NPC2: variants seen among roughly 807,000 people sequenced by gnomAD.
NPC2 encodes NPC intracellular cholesterol transporter 2, also known as Niemann-Pick disease type C2 protein.
In NPC2, 14 loss-of-function variants were observed where a neutral mutation model predicts 17.0. The observed-to-expected ratio is 0.82, with a 90% CI of 0.54 to 1.29. The LOEUF is 1.29. NPC2 is among the 50% of genes most tolerant of loss of function. The pLI, the probability that NPC2 is intolerant of heterozygous loss-of-function variation, is 0.00. For missense variants in NPC2, 167 were observed against 183.4 expected (o/e 0.91, Z 0.52); for synonymous variants, 75 against 69.3 (o/e 1.08, Z -0.41).
intron 1 of NPC2, among the ~76,000 whole-genome samples, chr14:74,491,175 C>A (rs1026661831): frequency 1.3e-5 from 2 of 152,100 alleles, no homozygotes; most frequent in African/African-American, 4.8e-5. Flanking sequence ...CGGGTTCAAG[C>A]GATTCTCCTG....
At chr14:74,491,394 G>A (rs1009544458) in intron 1 of NPC2, among the ~76,000 whole-genome samples, 4 of 152,252 alleles carry the variant, frequency 2.6e-5, no homozygotes, top group African/African-American at 9.6e-5. Flanking sequence ...AAAATTAATA[G>A]TGTCTTCATC....
intron 4 of NPC2, 93 bp downstream of exon 4, chr14:74,480,609 C>A (rs776013637): frequency 3.7e-6 from 4 of 1,074,352 alleles, no homozygotes; most frequent in Non-Finnish European, 5.8e-6. Context: ...TCTTGAAATT[C>A]CTTTTATCTT....
rs1350395571 is a variant in NPC2, at chr14:74,493,182, C to T, written c.82+11G>A. 6.2e-7 allele frequency: 1 copy of T among 1,604,164 alleles called. No individual in the cohort carries two copies. The highest frequency in any genetic ancestry group is 1.3e-5 in the African/African-American group (1 of 74,830). On this transcript the variant is annotated intron_variant, in intron 1 of 4. Coordinates refer to ENST00000555619, the MANE Select transcript of NPC2 (RefSeq NM_006432.5). This position sits in a 1 kb window ranked among gnomAD's most constrained non-coding sequence, Gnocchi z 4.1. Reference sequence around the variant, plus strand: ...GAGGGCGCGGGAACCTTGGGCGGGCCTGGGGCTCACCGCAGTCCTTGAACT... The same window carrying T: ...GAGGGCGCGGGAACCTTGGGCGGGCTTGGGGCTCACCGCAGTCCTTGAACT...
chr14:74,489,017 C>T (rs1467052135), intron 1 of NPC2, among the ~76,000 whole-genome samples: 3 of 152,184 alleles, frequency 2.0e-5, no homozygotes, highest in Non-Finnish European at 4.4e-5. Flanking sequence ...ACAGGAAGTA[C>T]CTTAAATCTT....
Position 74,483,062 on chromosome 14 carries a change from A to G in NPC2, c.363+1353T>C. The G allele has an allele frequency of 4.6e-6, 6 of 1,307,482 alleles. No individual in the cohort carries two copies. In the Admixed American group the frequency reaches 8.6e-5, roughly 19 times the overall value. 81.0% of individuals were successfully genotyped at this position (1,307,482 alleles called of 1,614,324 possible). ...GTTCAGGGAATTTTTGTTGAAAAAT[A>G]TGACCCAACGATAGAAGATTCCTAC... On this transcript the variant is annotated intron_variant, in intron 3 of 4. Coordinates refer to ENST00000555619, the MANE Select transcript of NPC2 (RefSeq NM_006432.5).
intron 2 of NPC2, 130 bp downstream of exon 2, chr14:74,486,199 T>G (rs1258055734): frequency 8.0e-6 from 7 of 875,430 alleles, no homozygotes; most frequent in Non-Finnish European, 7.5e-6. Flanking sequence ...TAGCTTTGCA[T>G]GAGGTGCAAA....
rs750685952 is a variant in NPC2 at position 74,480,228 on chromosome 14, G to A, written c.*46C>T. 1 of 1,614,184 alleles carries A rather than the reference G, an allele frequency of 6.2e-7. No individual in the cohort carries two copies. The highest frequency in any genetic ancestry group is 1.1e-5 in the South Asian group (1 of 91,076). ...AGCAGAGCTGGAGGTGCTGTCAAGA[G>A]TCTCAGCAGACTCATTGGCCAGATG... On this transcript the variant is annotated 3_prime_UTR_variant, in exon 5 of 5. Coordinates refer to ENST00000555619, the MANE Select transcript of NPC2 (RefSeq NM_006432.5).
At chr14:74,493,329 A>C, upstream of NPC2, 7 of 1,589,400 alleles carry the variant, frequency 4.4e-6, no homozygotes, top group East Asian at 4.5e-5. The surrounding 1 kb of genome is among the most constrained non-coding windows in gnomAD (Gnocchi z 4.1). Context: ...CCGCGGTCAC[A>C]AGACAAACCT....
rs750143959 is a variant in NPC2 at position 74,480,149 on chromosome 14, C to T, written c.*125G>A. The T allele has an allele frequency of 6.3e-7, 1 of 1,599,872 alleles. No individual in the cohort carries two copies. The highest frequency in any genetic ancestry group is 1.3e-5 in the African/African-American group (1 of 74,590). On this transcript the variant is annotated 3_prime_UTR_variant, in exon 5 of 5. Transcript: ENST00000555619. Reference sequence around the variant, plus strand: ...GCTCAGTTTCTGCTACAGAGCACCTCCTCTTCAACGAATCACTGGATACCA... The same window carrying T: ...GCTCAGTTTCTGCTACAGAGCACCTTCTCTTCAACGAATCACTGGATACCA...
At chr14:74,480,920 T>A in intron 3 of NPC2, 141 bp from the exon 4 acceptor site, 1 of 786,690 alleles carries the variant, frequency 1.3e-6, no homozygotes. Flanking sequence ...TGAGGGCTGC[T>A]TAGCATGTGG....
intron 2 of NPC2, 78 bp downstream of exon 2, chr14:74,486,250 CA>C: frequency 1.6e-6 from 2 of 1,247,306 alleles, no homozygotes; most frequent in Non-Finnish European, 2.3e-6. Flanking sequence ...CCCTCCCCTC[CA>C]TTCCCATGCT....
chr14:74,482,880 G>A, intron 3 of NPC2: 1 of 444,832 alleles, frequency 2.2e-6, no homozygotes, highest in Admixed American at 3.6e-5. Flanking sequence ...AGGAGCCGCA[G>A]CTGGGAGGAG....
chr14:74,488,188 C>T (rs1010048976), intron 1 of NPC2, among the ~76,000 whole-genome samples: 1 of 152,158 alleles, frequency 6.6e-6, no homozygotes, highest in African/African-American at 2.4e-5. Flanking sequence ...CTCTTTCTAT[C>T]GTAGAGGTTC....
chr14:74,483,311 C>T (rs1312766949), intron 3 of NPC2: 1 of 1,254,956 alleles, frequency 8.0e-7, no homozygotes, highest in Non-Finnish European at 1.2e-6. Context: ...TAAATGTGAC[C>T]TGGAAGATGA....
Position 74,480,560 on chromosome 14 carries a change from C to G in NPC2, c.441+142G>C. 3 of 823,058 alleles carry G rather than the reference C, an allele frequency of 3.6e-6. No homozygotes were observed. In the Middle Eastern group the frequency reaches 6.7e-4, roughly 184 times the overall value. The allele number at this position is 823,058 out of a possible 1,614,324, so 51.0% of individuals were successfully genotyped here. A position where few individuals can be genotyped will look rare whatever the true frequency, so the allele number is the denominator to read the frequency against. On this transcript the variant is annotated intron_variant, in intron 4 of 4. Coordinates refer to ENST00000555619, the MANE Select transcript of NPC2 (RefSeq NM_006432.5). ...GTTCTGAGCTCTCAGGAAATAGGGT[C>G]TCAGATGCTTTTAGAGGTTGAGAGG... is the stretch of plus-strand genomic sequence containing the variant.
At chr14:74,485,522 T>TC in intron 2 of NPC2, among the ~76,000 whole-genome samples, 1 of 148,628 alleles carries the variant, frequency 6.7e-6, no homozygotes, top group Non-Finnish European at 1.5e-5. Context: ...TCAGAAGGCT[T>TC]TTTTTTTTGG....
At chr14:74,486,256 C>T in intron 2 of NPC2, 73 bp downstream of exon 2, 8 of 1,307,656 alleles carry the variant, frequency 6.1e-6, no homozygotes, top group Non-Finnish European at 8.7e-6. Flanking sequence ...CCTCCATTCC[C>T]ATGCTTATTC....
chr14:74,484,204 C>T (rs1595222606), intron 3 of NPC2, among the ~76,000 whole-genome samples: 1 of 152,168 alleles, frequency 6.6e-6, no homozygotes, highest in Non-Finnish European at 1.5e-5. Context: ...GGCTAACCAT[C>T]AGGTCATAGT....
intron 1 of NPC2, 72 bp from the exon 2 acceptor site, chr14:74,486,508 A>G: frequency 8.3e-7 from 1 of 1,205,020 alleles, no homozygotes; most frequent in Non-Finnish European, 1.2e-6. Flanking sequence ...CCACCACCTA[A>G]TGGGAAGGTG....
Sources: allele counts gnomAD v4.1 joint callset (sites outside exome capture counted in the v4.1 genomes callset), GRCh38; gene constraint gnomAD v4.1.1; non-coding constraint Gnocchi (gnomAD v3.1); transcripts MANE v1.5; gene names NCBI Gene and HGNC (gene_info 2026-07-23, HGNC 2026-07-21).